KDM3B: variants seen among roughly 807,000 people sequenced by gnomAD.
KDM3B encodes lysine-specific demethylase 3B.
In KDM3B, 10 loss-of-function variants were observed where a neutral mutation model predicts 170.0. The ratio of observed to expected loss-of-function variants is 0.06; its 90% confidence interval spans 0.04 to 0.10. The LOEUF (loss-of-function observed/expected upper bound fraction) is 0.10, where lower values mean the gene tolerates loss of function less well. KDM3B is among the 10% of genes least tolerant of loss of function. KDM3B has a pLI of 1.00. For synonymous variants in KDM3B, 831 were observed against 834.8 expected, an observed-to-expected ratio of 1.00 and a Z score of 0.08; for missense variants, 1,394 against 2,195.2, an observed-to-expected ratio of 0.64 and a Z score of 7.29.
intron 5 of KDM3B, among the ~76,000 whole-genome samples, chr5:138,381,066 G>T (rs764424252): frequency 7.2e-5 from 11 of 151,998 alleles, no homozygotes; most frequent in Non-Finnish European, 1.0e-4. Context: ...TAGAAACAGG[G>T]TTTCACCATG....
Position 138,391,816 on chromosome 5 carries a change from C to T in KDM3B, c.2184C>T (p.Pro728=). The T allele has an allele frequency of 6.2e-7, 1 of 1,614,110 alleles. No homozygotes were observed. Among genetic ancestry groups the T allele is most frequent in the Non-Finnish European group, 8.5e-7 (1 of 1,180,010 alleles). Residue 728 remains proline, a synonymous_variant, in exon 8 of 24, where the codon CCC becomes CCT. Transcript: ENST00000314358. This position sits in a 1 kb window ranked among gnomAD's most constrained non-coding sequence, Gnocchi z 5.0. ...TGGGGAATGGCCGCTCCAGCTCGCC[C>T]ACCAGCAGCCTCACTCAGCCCATTG... ...SAMGNGRSSS[P]TSSLTQPIEM...
chr5:138,370,823 T>C (rs1017216325), intron 1 of KDM3B, among the ~76,000 whole-genome samples: 6 of 152,030 alleles, frequency 3.9e-5, no homozygotes, highest in African/African-American at 9.6e-5. Flanking sequence ...TTTTTTTTTT[T>C]CCGAGACAGA....
chr5:138,432,702 T>A (rs1282357415), intron 23 of KDM3B, among the ~76,000 whole-genome samples: 1 of 152,160 alleles, frequency 6.6e-6, no homozygotes, highest in Non-Finnish European at 1.5e-5. Flanking sequence ...CAGAATTCTC[T>A]AGGCTTTCAC....
intron 9 of KDM3B, among the ~76,000 whole-genome samples, chr5:138,394,340 C>T (rs1762501254): frequency 6.6e-6 from 1 of 152,086 alleles, no homozygotes; most frequent in Non-Finnish European, 1.5e-5. Context: ...TACCACTGCA[C>T]TCCAGCCTTA....
chr5:138,359,514 C>T (rs1761545765), intron 1 of KDM3B, among the ~76,000 whole-genome samples: 1 of 148,872 alleles, frequency 6.7e-6, no homozygotes, highest in East Asian at 2.0e-4. Context: ...ACAGTTTTGC[C>T]CAGGCTGGTT....
In KDM3B at chr5:138,386,531, C is replaced by G. The variant is rs150367985; in HGVS notation, c.1290C>G (p.Thr430=). Residue 430 remains threonine (T), a synonymous_variant, in exon 7 of 24, where the codon ACC becomes ACG. Coordinates refer to ENST00000314358, the MANE Select transcript of KDM3B (RefSeq NM_016604.4). The stretch of plus-strand genomic sequence containing the variant: ...CTGTGGTCACTACCGCCAGCTCCAC[C>G]CCAAACACAGTGAGGATCTCAGACA... ...SAAVVTTASS[T]PNTVRISDTG... The G allele has an allele frequency of 8.7e-6, 14 of 1,614,186 alleles. No homozygotes were observed. In the African/African-American group the frequency reaches 1.9e-4, roughly 22 times the overall value.
intron 12 of KDM3B, among the ~76,000 whole-genome samples, chr5:138,415,725 T>C (rs1763085969): frequency 6.6e-6 from 1 of 151,914 alleles, no homozygotes; most frequent in Non-Finnish European, 1.5e-5. Context: ...ACTGGGAGTA[T>C]AACTGTGAGC....
intron 2 of KDM3B, among the ~76,000 whole-genome samples, chr5:138,374,609 G>A (rs1289493431): frequency 6.6e-6 from 1 of 152,160 alleles, no homozygotes; most frequent in Admixed American, 6.6e-5. Flanking sequence ...AGAAGCTCTT[G>A]TATAATAAGT....
chr5:138,410,844 T>C (rs915246449), intron 11 of KDM3B, among the ~76,000 whole-genome samples: 8 of 152,186 alleles, frequency 5.3e-5, no homozygotes, highest in African/African-American at 1.4e-4. Context: ...CTTACGCCAT[T>C]ATTTCTGCAT....
intron 9 of KDM3B, among the ~76,000 whole-genome samples, chr5:138,395,779 G>A (rs1368139443): frequency 6.6e-6 from 1 of 151,842 alleles, no homozygotes; most frequent in East Asian, 1.9e-4. Context: ...ACCATGCTCG[G>A]CTAATTTTTT....
chr5:138,432,499 C>T (rs941530323), intron 23 of KDM3B, among the ~76,000 whole-genome samples: 2 of 152,016 alleles, frequency 1.3e-5, no homozygotes, highest in African/African-American at 4.8e-5. Context: ...GATACCCCAT[C>T]TTTACTAAAA....
chr5:138,381,623 C>T, intron 6 of KDM3B, 33 bp downstream of exon 6: 9 of 1,302,204 alleles, frequency 6.9e-6, no homozygotes, highest in Non-Finnish European at 1.0e-5. Context: ...TGAGCAGACT[C>T]ATGAGCTTGC....
chr5:138,426,497 C>G (rs191515116), intron 17 of KDM3B, among the ~76,000 whole-genome samples: 1,912 of 150,488 alleles, frequency 0.013, 41 homozygotes, highest in African/African-American at 0.044. Flanking sequence ...ATGGCATGAA[C>G]CTGGGAGGCG....
At chr5:138,435,509 G>A (rs1194222733) in intron 23 of KDM3B, 111 bp from the exon 24 acceptor site, 3 of 753,072 alleles carry the variant, frequency 4.0e-6, no homozygotes, top group East Asian at 2.7e-5. Context: ...ATACAGGAAC[G>A]CACAGTCCTT....
intron 16 of KDM3B, among the ~76,000 whole-genome samples, chr5:138,424,589 C>T (rs540148012): frequency 6.6e-6 from 1 of 152,086 alleles, no homozygotes; most frequent in Admixed American, 6.6e-5. Flanking sequence ...GGAGTTTGGC[C>T]AACATGGTGA....
intron 22 of KDM3B, 76 bp downstream of exon 22, chr5:138,430,501 A>G (rs1763503023): frequency 7.6e-7 from 1 of 1,320,202 alleles, no homozygotes. Context: ...TAATCTACCA[A>G]GAGATTTAAG....
chr5:138,427,068 T>C lies in KDM3B; in HGVS notation c.4502+3T>C, dbSNP rs1356974060. 1.2e-6 allele frequency: 2 copies of C among 1,612,222 alleles called. No individual in the cohort carries two copies. Among genetic ancestry groups the C allele is most frequent in the African/African-American group, 2.7e-5 (2 of 74,888 alleles). On this transcript the variant is annotated splice_donor_region_variant and intron_variant, in intron 18 of 23. Coordinates refer to ENST00000314358, the MANE Select transcript of KDM3B (RefSeq NM_016604.4). ...TTTCGAGACATGATGCCAACCAGGT[T>C]AGTGACCTGCAGTGGTGTCATCTTC...
intron 1 of KDM3B, among the ~76,000 whole-genome samples, chr5:138,357,781 G>A (rs555407422): frequency 1.3e-5 from 2 of 151,668 alleles, no homozygotes; most frequent in Admixed American, 1.3e-4. Flanking sequence ...GTGCAGTGGC[G>A]CGATATTGGC....
chr5:138,395,971 A>G (rs1762535918), intron 9 of KDM3B, among the ~76,000 whole-genome samples: 1 of 152,120 alleles, frequency 6.6e-6, no homozygotes, highest in African/African-American at 2.4e-5. Flanking sequence ...CATGTTACAT[A>G]TGGACTAGAA....
Sources: gnomAD v4.1 joint callset for allele counts (sites outside exome capture counted in the v4.1 genomes callset) on GRCh38, gnomAD v4.1.1 for gene constraint, Gnocchi (gnomAD v3.1) non-coding constraint, MANE v1.5 for transcripts, NCBI Gene and HGNC (gene_info 2026-07-23, HGNC 2026-07-21) for gene names.